The following RHOJ variants were observed in gnomAD, a reference collection of about 807,000 sequenced individuals.
RHOJ encodes rho-related GTP-binding protein RhoJ.
A neutral mutation model predicts 23.4 loss-of-function variants in RHOJ; 11 were observed. The ratio of observed to expected loss-of-function variants is 0.47; its 90% CI spans 0.30 to 0.78. The LOEUF (loss-of-function observed/expected upper bound fraction) is 0.78. Among genes scored for constraint, RHOJ ranks in the 30% least tolerant of loss-of-function variants. RHOJ has a pLI of 0.08. For synonymous variants in RHOJ, 102 were observed against 102.7 expected, an observed-to-expected ratio of 0.99 and a Z score of 0.04; for missense variants, 254 against 273.4, an observed-to-expected ratio of 0.93 and a Z score of 0.50.
chr14:63,239,745 A>C (rs1894851660), intron 1 of RHOJ, among the ~76,000 whole-genome samples: 1 of 152,212 alleles, frequency 6.6e-6, no homozygotes, highest in Admixed American at 6.5e-5. Flanking sequence ...TGTGATGGCC[A>C]CTGCTATCCA....
intron 1 of RHOJ, among the ~76,000 whole-genome samples, chr14:63,214,847 A>G (rs1481089147): frequency 6.6e-6 from 1 of 152,198 alleles, no homozygotes; most frequent in Non-Finnish European, 1.5e-5. Flanking sequence ...CTGCAAAGCT[A>G]CATATGGGTG....
At chr14:63,287,903 C>A (rs1047435299) in intron 4 of RHOJ, among the ~76,000 whole-genome samples, 2 of 152,046 alleles carry the variant, frequency 1.3e-5, no homozygotes, top group African/African-American at 4.8e-5. Flanking sequence ...GTAATAAGGG[C>A]CACATTTCCT....
At chr14:63,217,700 T>G (rs564101175) in intron 1 of RHOJ, among the ~76,000 whole-genome samples, 97 of 152,104 alleles carry the variant, frequency 6.4e-4, no homozygotes, top group Non-Finnish European at 1.1e-3. Flanking sequence ...GGGATCTAAT[T>G]AAACTAAAGA....
At chr14:63,271,976 C>A (rs1196811527) in intron 2 of RHOJ, among the ~76,000 whole-genome samples, 1 of 152,248 alleles carries the variant, frequency 6.6e-6, no homozygotes, top group African/African-American at 2.4e-5. Flanking sequence ...GGTCCACCAA[C>A]CAGTGGCATC....
intron 1 of RHOJ, among the ~76,000 whole-genome samples, chr14:63,231,896 G>C (rs950149388): frequency 2.0e-5 from 3 of 152,138 alleles, no homozygotes; most frequent in Non-Finnish European, 2.9e-5. Context: ...ATCCAGGGAA[G>C]AGCAAATAAT....
intron 1 of RHOJ, among the ~76,000 whole-genome samples, chr14:63,221,397 T>C (rs1182514379): frequency 6.6e-6 from 1 of 152,224 alleles, no homozygotes; most frequent in African/African-American, 2.4e-5. Context: ...AAGGCAAGCC[T>C]CTTTCTTCCT....
intron 1 of RHOJ, among the ~76,000 whole-genome samples, chr14:63,246,752 A>G (rs1316614044): frequency 6.6e-6 from 1 of 152,128 alleles, no homozygotes; most frequent in Non-Finnish European, 1.5e-5. Context: ...CTGTTTTGCT[A>G]TATATTTATA....
chr14:63,232,948 G>A lies in RHOJ; in HGVS notation c.178+27901G>A, dbSNP rs1008144896. 4.6e-5 allele frequency among the ~76,000 whole-genome samples: 7 copies of A among 151,756 alleles called. No individual in the cohort carries two copies. In the South Asian group the frequency reaches 6.2e-4, roughly 14 times the overall value. ...TGGACTCAAGCAATCCACCTGTCTCGGCCTCCCAAAGTGCTGAAATTACAG... is the reference window on the plus strand; with the variant it reads ...TGGACTCAAGCAATCCACCTGTCTCAGCCTCCCAAAGTGCTGAAATTACAG... On this transcript the variant is annotated intron_variant, in intron 1 of 4. Transcript: ENST00000316754.
intron 1 of RHOJ, among the ~76,000 whole-genome samples, chr14:63,244,093 A>C (rs1894932969): frequency 6.6e-6 from 1 of 152,230 alleles, no homozygotes; most frequent in South Asian, 2.1e-4. Flanking sequence ...CAGTCTTATT[A>C]GTTCCAACAC....
intron 1 of RHOJ, among the ~76,000 whole-genome samples, chr14:63,268,015 C>T (rs1895398785): frequency 1.3e-5 from 2 of 152,206 alleles, no homozygotes; most frequent in Admixed American, 6.5e-5. Context: ...GAATCAGCAA[C>T]TCTAAGCAGC....
chr14:63,290,552 A>G (rs1049663712), intron 4 of RHOJ, among the ~76,000 whole-genome samples: 15 of 152,274 alleles, frequency 9.9e-5, no homozygotes, highest in African/African-American at 3.4e-4. Flanking sequence ...ATTGTCTCCT[A>G]ATTTTTTAGA....
At chr14:63,207,135 G>A (rs1409365448) in intron 1 of RHOJ, among the ~76,000 whole-genome samples, 6 of 151,420 alleles carry the variant, frequency 4.0e-5, no homozygotes, top group East Asian at 3.9e-4. Context: ...GGGTTCAAGC[G>A]ATTCTCCTGC....
intron 1 of RHOJ, among the ~76,000 whole-genome samples, chr14:63,235,027 A>C (rs1894763715): frequency 6.6e-6 from 1 of 152,188 alleles, no homozygotes; most frequent in South Asian, 2.1e-4. Context: ...TCTTCTGTCT[A>C]ATCTAAATCT....
chr14:63,283,555 A>G (rs1881979825), intron 4 of RHOJ, among the ~76,000 whole-genome samples: 1 of 152,210 alleles, frequency 6.6e-6, no homozygotes, highest in Non-Finnish European at 1.5e-5. Flanking sequence ...TGTAAATCTC[A>G]CTGCTTATTA....
intron 2 of RHOJ, among the ~76,000 whole-genome samples, chr14:63,270,435 G>A (rs990642346): frequency 2.4e-4 from 37 of 152,238 alleles, no homozygotes; most frequent in Middle Eastern, 3.4e-3. Flanking sequence ...GTAAGCTACC[G>A]CCAGGAACTG....
Position 63,290,972 on chromosome 14 carries a change from A to C in RHOJ, c.593A>C (p.Lys198Thr), listed in dbSNP as rs752095160. The C allele has an allele frequency of 4.3e-6, 7 of 1,614,160 alleles. No individual in the cohort carries two copies. Among genetic ancestry groups the C allele is most frequent in the Non-Finnish European group, 5.9e-6 (7 of 1,180,026 alleles). The change falls in exon 5 of 5, where the codon AAG becomes ACG. Residue 198 changes from lysine to threonine, a missense_variant. Physicochemically the swap from Lys to Thr is moderately conservative, Grantham distance 78. Coordinates refer to ENST00000316754, the MANE Select transcript of RHOJ (RefSeq NM_020663.5). ...DEAILTIFHP[K>T]KKKKRCSEGH... ...GCAATCCTCACCATTTTCCACCCCA[A>C]GAAAAAGAAGAAACGCTGTTCTGAG...
intron 2 of RHOJ, among the ~76,000 whole-genome samples, chr14:63,275,634 A>G (rs1594775458): frequency 6.6e-6 from 1 of 152,110 alleles, no homozygotes; most frequent in East Asian, 1.9e-4. Flanking sequence ...GCACTCCCCA[A>G]TCCTAGCCTC....
At chr14:63,248,114 A>C (rs1284544895) in intron 1 of RHOJ, among the ~76,000 whole-genome samples, 1 of 152,314 alleles carries the variant, frequency 6.6e-6, no homozygotes, top group East Asian at 1.9e-4. Flanking sequence ...GACACGGCCA[A>C]ACCATATTAA....
chr14:63,213,253 C>G (rs1894279426), intron 1 of RHOJ, among the ~76,000 whole-genome samples: 1 of 152,148 alleles, frequency 6.6e-6, no homozygotes, highest in Non-Finnish European at 1.5e-5. Flanking sequence ...GTACAATACC[C>G]AATAGTTAGT....
Sources: allele counts gnomAD v4.1 joint callset (sites outside exome capture counted in the v4.1 genomes callset), GRCh38; gene constraint gnomAD v4.1.1; transcripts MANE v1.5; gene names NCBI Gene and HGNC (gene_info 2026-07-23, HGNC 2026-07-21).